The following SPECC1 variants were observed in gnomAD, a reference collection of about 807,000 sequenced individuals.
SPECC1 encodes sperm antigen with calponin homology and coiled-coil domains 1.
In SPECC1, 62 loss-of-function variants were observed where a neutral mutation model predicts 104.1. That is an observed-to-expected ratio of 0.60 (90% CI 0.49 to 0.74). The LOEUF (loss-of-function observed/expected upper bound fraction) is 0.74, where lower values mean the gene tolerates loss of function less well. Ranked by LOEUF, SPECC1 falls within the 30% of genes least tolerant of loss-of-function variation. The probability of loss-of-function intolerance (pLI) is 0.00; values close to 1 mark genes in which losing one functional copy is unlikely to be tolerated. For synonymous variants in SPECC1, 513 were observed against 501.6 expected (o/e 1.02, Z -0.30); for missense variants, 1,306 against 1,310.5 (o/e 1.00, Z 0.05).
chr17:20,048,009 T>G (rs901311008), intron 1 of SPECC1, among the ~76,000 whole-genome samples: 1 of 152,168 alleles, frequency 6.6e-6, no homozygotes, highest in Non-Finnish European at 1.5e-5. Context: ...TCTCCATTGG[T>G]GTCCTTGACT....
intron 3 of SPECC1, among the ~76,000 whole-genome samples, chr17:20,184,090 A>G (rs1269170103): frequency 6.7e-6 from 1 of 149,512 alleles, no homozygotes; most frequent in Non-Finnish European, 1.5e-5. Context: ...CTGAGGCATG[A>G]GAATCGCTTG....
At chr17:20,288,343 C>G (rs1490502103) in intron 12 of SPECC1, among the ~76,000 whole-genome samples, 1 of 151,888 alleles carries the variant, frequency 6.6e-6, no homozygotes, top group Admixed American at 6.6e-5. Context: ...GGTTTTTCTT[C>G]TAGATCTTTG....
intron 7 of SPECC1, chr17:20,239,568 A>C (rs1462794202): frequency 6.4e-6 from 1 of 155,950 alleles, no homozygotes; most frequent in Admixed American, 6.5e-5. Context: ...TTACTAATGC[A>C]CAACAAGGTT....
chr17:20,172,568 G>T (rs539745014), intron 3 of SPECC1, among the ~76,000 whole-genome samples: 1 of 152,142 alleles, frequency 6.6e-6, no homozygotes. Flanking sequence ...ACAAATTCAG[G>T]CTTCTTTCTA....
At chr17:20,032,585 A>T (rs2044861143) in intron 1 of SPECC1, among the ~76,000 whole-genome samples, 1 of 152,028 alleles carries the variant, frequency 6.6e-6, no homozygotes. Context: ...TAGTTATTCT[A>T]CCTTTCAACT....
chr17:20,136,045 A>G (rs965667791), intron 3 of SPECC1, among the ~76,000 whole-genome samples: 4 of 152,134 alleles, frequency 2.6e-5, no homozygotes, highest in African/African-American at 4.8e-5. Flanking sequence ...GTTGCTGTAG[A>G]AAGGGCCTAC....
chr17:20,216,655 T>C (rs2037508634), intron 4 of SPECC1, among the ~76,000 whole-genome samples: 1 of 151,992 alleles, frequency 6.6e-6, no homozygotes, highest in African/African-American at 2.4e-5. Flanking sequence ...TGGAAAGGAG[T>C]GGCTTTCTCT....
Position 20,298,948 on chromosome 17 carries a change from A to AGAGAGAGAGAGAGAGT in SPECC1, c.3057+1872_3057+1873insAGAGAGAGAGAGAGTG. ...GAGAGAGAGAGAGAGAGAGAGAGAG[A>AGAGAGAGAGAGAGAGT]GTGTGTGTGTGTGTGTGTGTGTGTA... On this transcript the variant is annotated intron_variant, in intron 13 of 14. Coordinates refer to ENST00000395527, the MANE Select transcript of SPECC1 (RefSeq NM_001243439.2). 1.0e-4 allele frequency among the ~76,000 whole-genome samples: 5 copies of AGAGAGAGAGAGAGAGT among 49,074 alleles called. No individual in the cohort carries two copies. In the South Asian group the frequency reaches 6.7e-3, roughly 66 times the overall value. 32.2% of individuals were successfully genotyped at this position (49,074 alleles called of 152,430 possible).
intron 4 of SPECC1, among the ~76,000 whole-genome samples, chr17:20,214,079 CTA>C (rs770546052): frequency 1.7e-4 from 26 of 152,330 alleles, no homozygotes; most frequent in Non-Finnish European, 3.7e-4. Flanking sequence ...AACCACAAAT[CTA>C]TGTTTTGGCT....
rs1239988256 is a variant in SPECC1 at position 20,232,270 on chromosome 17, A to G, written c.2216A>G (p.Lys739Arg). 1 of 1,614,212 alleles carries G rather than the reference A, an allele frequency of 6.2e-7. No homozygotes were observed. The change falls in exon 7 of 15, where the codon AAG (lysine) becomes AGG (arginine). Residue 739 changes from lysine (K) to arginine (R), a missense_variant. Around this residue, in one of 2 missense-constraint regions of SPECC1, gnomAD observed 1,177 missense variants for 1,139.9 expected, o/e 1.03. Transcript: ENST00000395527. ...QTAVVVANDI[K>R]CEAQQELRTV... ...GCAGTGGTGGTGGCCAATGACATCA[A>G]GTGTGAGGCCCAGCAGGAGCTGCGC...
chr17:20,156,701 T>C (rs1401447722), intron 3 of SPECC1, among the ~76,000 whole-genome samples: 1 of 152,144 alleles, frequency 6.6e-6, no homozygotes, highest in Non-Finnish European at 1.5e-5. Flanking sequence ...TAACCCAGAA[T>C]AGTCCGTGCT....
intron 10 of SPECC1, among the ~76,000 whole-genome samples, chr17:20,255,068 C>G (rs978861730): frequency 1.3e-5 from 2 of 152,198 alleles, no homozygotes; most frequent in African/African-American, 2.4e-5. Context: ...TCTCCTGATT[C>G]TTTCTACCAT....
chr17:20,038,361 C>T (rs914097214), intron 1 of SPECC1, among the ~76,000 whole-genome samples: 6 of 131,596 alleles, frequency 4.6e-5, no homozygotes, highest in Non-Finnish European at 8.7e-5. Context: ...ATAAATTTCC[C>T]TCTCAGCATT....
chr17:20,277,743 C>T (rs1276322818), intron 12 of SPECC1, among the ~76,000 whole-genome samples: 1 of 152,168 alleles, frequency 6.6e-6, no homozygotes, highest in African/African-American at 2.4e-5. Flanking sequence ...ACTCCATATT[C>T]CCCGCCCTCA....
At chr17:20,172,266 G>A (rs912088606) in intron 3 of SPECC1, among the ~76,000 whole-genome samples, 14 of 152,168 alleles carry the variant, frequency 9.2e-5, no homozygotes, top group African/African-American at 2.7e-4. Flanking sequence ...CTCTCTCAGC[G>A]TGTTACAGCT....
chr17:20,257,455 T>G lies in SPECC1; in HGVS notation c.2685T>G (p.Ile895Met). Residue 895 changes from isoleucine to methionine, a missense_variant, in exon 11 of 15, where the codon ATT becomes ATG. By Grantham distance (10) the Ile-to-Met change is conservative (BLOSUM62 1). This residue lies in a region of SPECC1 where 1,177 missense variants were observed against 1,139.9 expected (regional missense o/e 1.03). Transcript: ENST00000395527. The stretch of plus-strand genomic sequence containing the variant: ...ATTATGTGGTTGTTCCCACAGATAT[T>G]CTAAAGGGAAGGACTGAGACCCTGA... ...LDLPDLPLSDILKGRTETLKP... is the reference protein window; with the variant it reads ...LDLPDLPLSDMLKGRTETLKP... The G allele has an allele frequency of 6.4e-7, 1 of 1,571,356 alleles. No homozygotes were observed. The highest frequency in any genetic ancestry group is 8.6e-7 in the Non-Finnish European group (1 of 1,165,258).
intron 3 of SPECC1, among the ~76,000 whole-genome samples, chr17:20,151,335 A>G (rs1295429336): frequency 6.6e-6 from 1 of 152,258 alleles, no homozygotes; most frequent in Non-Finnish European, 1.5e-5. Context: ...CCCTGCAATC[A>G]TGGGGGTAAA....
chr17:20,188,328 G>A (rs1020305522), intron 3 of SPECC1, among the ~76,000 whole-genome samples: 2 of 150,130 alleles, frequency 1.3e-5, no homozygotes, highest in Non-Finnish European at 3.0e-5. Flanking sequence ...GTGTGATCTC[G>A]GCTCACTGCA....
intron 3 of SPECC1, among the ~76,000 whole-genome samples, chr17:20,192,150 C>G (rs2035714517): frequency 6.6e-6 from 1 of 151,778 alleles, no homozygotes; most frequent in African/African-American, 2.4e-5. Context: ...AGGGAGACCC[C>G]TTGAGACAGG....
Sources: gnomAD v4.1 joint callset for allele counts (sites outside exome capture counted in the v4.1 genomes callset) on GRCh38, gnomAD v4.1.1 for gene constraint, gnomAD v4.1.1 regional missense constraint, MANE v1.5 for transcripts, NCBI Gene and HGNC (gene_info 2026-07-23, HGNC 2026-07-21) for gene names.